Variants in SLC49A4 observed in about 807,000 individuals in gnomAD.
The protein encoded by SLC49A4 is disrupted in renal cancer protein 2.
Under a neutral mutation model 50.6 loss-of-function variants are expected in SLC49A4, and 36 were observed. The ratio of observed to expected loss-of-function variants is 0.71; its 90% CI spans 0.55 to 0.94. SLC49A4 has a LOEUF of 0.94. Ranked by LOEUF, SLC49A4 falls within the 40% of genes least tolerant of loss-of-function variation. The pLI is 0.00. For missense variants in SLC49A4, 503 were observed against 605.7 expected (o/e 0.83, Z 1.78); for synonymous variants, 248 against 241.2 (o/e 1.03, Z -0.26).
chr3:122,815,779 T>C (rs1206827387), intron 2 of SLC49A4, among the ~76,000 whole-genome samples: 3 of 152,232 alleles, frequency 2.0e-5, no homozygotes, highest in Non-Finnish European at 4.4e-5. Context: ...GGAAAGCTCT[T>C]TTTTTGGTCC....
At chr3:122,855,080 A>G (rs976194389) in intron 5 of SLC49A4, among the ~76,000 whole-genome samples, 2 of 151,930 alleles carry the variant, frequency 1.3e-5, no homozygotes, top group African/African-American at 2.4e-5. Context: ...GCGACAGAGC[A>G]AGACTCTGTC....
At chr3:122,826,453 A>G (rs1277528659) in intron 2 of SLC49A4, among the ~76,000 whole-genome samples, 1 of 152,134 alleles carries the variant, frequency 6.6e-6, no homozygotes, top group Non-Finnish European at 1.5e-5. Flanking sequence ...ATCTCAGTAA[A>G]TGGGGATCAT....
chr3:122,836,158 G>C (rs1024525805), intron 4 of SLC49A4, among the ~76,000 whole-genome samples: 1 of 152,190 alleles, frequency 6.6e-6, no homozygotes, highest in South Asian at 2.1e-4. Flanking sequence ...TTACTATTTT[G>C]AGATACATTC....
At chr3:122,826,704 T>C (rs1269425310) in intron 2 of SLC49A4, 96 bp from the exon 3 acceptor site, 30 of 1,214,680 alleles carry the variant, frequency 2.5e-5, no homozygotes, top group African/African-American at 7.6e-5. Context: ...TGTATACTTA[T>C]TGCCATAGTT....
intron 1 of SLC49A4, among the ~76,000 whole-genome samples, chr3:122,796,969 G>A (rs1280930619): frequency 6.6e-6 from 1 of 152,136 alleles, no homozygotes; most frequent in Admixed American, 6.5e-5. Context: ...GTATAGAATT[G>A]CAATTGTCTG....
At chr3:122,876,949 T>C (rs1285372999) in intron 8 of SLC49A4, among the ~76,000 whole-genome samples, 1 of 152,156 alleles carries the variant, frequency 6.6e-6, no homozygotes. Context: ...GGGCAGACTG[T>C]AGGCCCCTGC....
At chr3:122,837,336 A>C (rs1351693086) in intron 4 of SLC49A4, among the ~76,000 whole-genome samples, 1 of 152,180 alleles carries the variant, frequency 6.6e-6, no homozygotes, top group Non-Finnish European at 1.5e-5. Flanking sequence ...AGTAACCAAA[A>C]CAGCATGGTA....
At chr3:122,806,978 C>G in intron 2 of SLC49A4, 28 bp downstream of exon 2, 1 of 1,347,672 alleles carries the variant, frequency 7.4e-7, no homozygotes, top group Non-Finnish European at 1.1e-6. Flanking sequence ...CATTTCTCCC[C>G]CATTTTTCAT....
intron 3 of SLC49A4, 85 bp from the exon 4 acceptor site, chr3:122,833,232 C>A: frequency 7.3e-7 from 1 of 1,361,658 alleles, no homozygotes; most frequent in Non-Finnish European, 1.0e-6. Context: ...CGGAGTGAGA[C>A]CCTGTTTCAA....
At chr3:122,810,986 A>G (rs1428426631) in intron 2 of SLC49A4, among the ~76,000 whole-genome samples, 1 of 152,242 alleles carries the variant, frequency 6.6e-6, no homozygotes, top group Non-Finnish European at 1.5e-5. Context: ...GTATTAGAAC[A>G]TGACTGTTTT....
chr3:122,826,778 C>A, intron 2 of SLC49A4, 22 bp from the exon 3 acceptor site: 1 of 1,608,524 alleles, frequency 6.2e-7, no homozygotes, highest in South Asian at 1.1e-5. Context: ...TACCTCACAG[C>A]CTTTTAATTT....
chr3:122,810,533 C>T (rs948635009), intron 2 of SLC49A4, among the ~76,000 whole-genome samples: 1 of 152,122 alleles, frequency 6.6e-6, no homozygotes, highest in East Asian at 1.9e-4. Context: ...TATATCTGCT[C>T]GTAATCATAG....
At chr3:122,813,025 G>A (rs978748140) in intron 2 of SLC49A4, among the ~76,000 whole-genome samples, 4 of 152,040 alleles carry the variant, frequency 2.6e-5, no homozygotes, top group Admixed American at 6.5e-5. Flanking sequence ...CAAGGCGGGC[G>A]GATCACCTGA....
chr3:122,802,554 A>T (rs1183522863), intron 1 of SLC49A4, among the ~76,000 whole-genome samples: 1 of 152,236 alleles, frequency 6.6e-6, no homozygotes, highest in African/African-American at 2.4e-5. Flanking sequence ...GTTCCCCAGG[A>T]TCACACAGGC....
At chr3:122,809,355 G>A (rs7620746) in intron 2 of SLC49A4, among the ~76,000 whole-genome samples, 88,041 of 151,908 alleles carry the variant, frequency 0.58, 26,221 homozygotes, top group Non-Finnish European at 0.66. Context: ...CCAGAGGTGT[G>A]TTTTTTCAAG....
intron 2 of SLC49A4, among the ~76,000 whole-genome samples, chr3:122,821,769 A>G (rs369042970): frequency 1.3e-3 from 205 of 152,222 alleles, no homozygotes; most frequent in African/African-American, 4.7e-3. Context: ...CTTTTAAAAC[A>G]CCCTAAAACA....
intron 5 of SLC49A4, among the ~76,000 whole-genome samples, chr3:122,852,844 AAAATTGTCTCC>A (rs1287473313): frequency 6.6e-6 from 1 of 152,190 alleles, no homozygotes; most frequent in African/African-American, 2.4e-5. Flanking sequence ...ACCCTAAAGG[AAAATTGTCTCC>A]AAATACCGTG....
At chr3:122,870,320 C>T (rs184178645) in intron 7 of SLC49A4, among the ~76,000 whole-genome samples, 1 of 151,770 alleles carries the variant, frequency 6.6e-6, no homozygotes, top group African/African-American at 2.4e-5. Flanking sequence ...GTTCTCTGTC[C>T]TCTGACTACC....
At chr3:122,840,109 C>T (rs369283751) in intron 4 of SLC49A4, among the ~76,000 whole-genome samples, 20 of 152,236 alleles carry the variant, frequency 1.3e-4, no homozygotes, top group East Asian at 7.7e-4. Context: ...AGCTGGAAGC[C>T]GTTATTCTAA....
Sources: gnomAD v4.1 joint callset for allele counts (sites outside exome capture counted in the v4.1 genomes callset) on GRCh38, gnomAD v4.1.1 for gene constraint, MANE v1.5 for transcripts, NCBI Gene and HGNC (gene_info 2026-07-23, HGNC 2026-07-21) for gene names.